SCAMP1: variants seen among roughly 807,000 people sequenced by gnomAD.
The protein encoded by SCAMP1 is secretory carrier membrane protein 1.
A neutral mutation model predicts 41.8 loss-of-function variants in SCAMP1; 15 were observed. The ratio of observed to expected loss-of-function variants is 0.36; its 90% CI spans 0.24 to 0.55. The LOEUF (loss-of-function observed/expected upper bound fraction) is 0.55, where lower values mean the gene tolerates loss of function less well. Ranked by LOEUF, SCAMP1 falls within the 20% of genes least tolerant of loss-of-function variation. The pLI is 0.86. For synonymous variants in SCAMP1, 135 were observed against 136.8 expected (o/e 0.99, Z 0.09); for missense variants, 341 against 412.6 (o/e 0.83, Z 1.50).
chr5:78,416,508 C>A (rs1257780256), intron 3 of SCAMP1, 33 bp from the exon 4 acceptor site: 1 of 1,455,802 alleles, frequency 6.9e-7, no homozygotes, highest in Non-Finnish European at 9.4e-7. Context: ...ATACTTCTGA[C>A]AGTCTATTCA....
chr5:78,396,840 T>C (rs1228386049), intron 2 of SCAMP1, among the ~76,000 whole-genome samples: 1 of 152,202 alleles, frequency 6.6e-6, no homozygotes, highest in Non-Finnish European at 1.5e-5. Context: ...ATAGAGCAAA[T>C]AAAATTAAGA....
intron 1 of SCAMP1, among the ~76,000 whole-genome samples, chr5:78,380,755 C>G (rs1329888728): frequency 6.6e-6 from 1 of 152,116 alleles, no homozygotes; most frequent in Admixed American, 6.5e-5. Flanking sequence ...TCACAGATCA[C>G]CACAACAGAT....
At chr5:78,373,469 A>G (rs1444594377) in intron 1 of SCAMP1, among the ~76,000 whole-genome samples, 1 of 151,692 alleles carries the variant, frequency 6.6e-6, no homozygotes, top group Non-Finnish European at 1.5e-5. Context: ...GTTGCTATGT[A>G]GGAAAGTTGC....
At chr5:78,459,184 A>G in intron 7 of SCAMP1, 61 bp from the exon 8 acceptor site, 1 of 772,678 alleles carries the variant, frequency 1.3e-6, no homozygotes, top group Non-Finnish European at 2.3e-6. Context: ...GTTAGATATT[A>G]TGCTATTTTT....
rs1177392315 is a variant in SCAMP1 at position 78,479,824 on chromosome 5, C to T, written c.*4156C>T. Among the ~76,000 whole-genome samples the T allele has an allele frequency of 6.6e-6, 1 of 151,962 alleles. No individual in the cohort carries two copies. The highest frequency in any genetic ancestry group is 1.5e-5 in the Non-Finnish European group (1 of 67,998). ...TTGGGAGGCCAAGGTGGGCGGATCACGAGGTCAGGAGATCGAAACCATCCT... is the reference window on the plus strand; with the variant it reads ...TTGGGAGGCCAAGGTGGGCGGATCATGAGGTCAGGAGATCGAAACCATCCT... On this transcript the variant is annotated 3_prime_UTR_variant, in exon 9 of 9. Coordinates refer to ENST00000621999, the MANE Select transcript of SCAMP1 (RefSeq NM_004866.6).
Position 78,439,142 on chromosome 5 carries a change from C to T in SCAMP1, c.633-10791C>T, listed in dbSNP as rs111574372. Among the ~76,000 whole-genome samples the T allele has an allele frequency of 1.9e-3, 282 of 152,254 alleles. 1 individual carries two copies. Among genetic ancestry groups the T allele is most frequent in the African/African-American group, 6.0e-3 (250 of 41,548 alleles). On this transcript the variant is annotated intron_variant, in intron 6 of 8. Transcript: ENST00000621999. ...TGAGATGGGTCTCCTGAATACAGCA[C>T]CCTGATGGGTTTTGAATCTTTATCC...
chr5:78,441,684 C>G (rs1006114981), intron 6 of SCAMP1, among the ~76,000 whole-genome samples: 2 of 152,116 alleles, frequency 1.3e-5, no homozygotes, highest in Non-Finnish European at 2.9e-5. Flanking sequence ...AAAAATTAGC[C>G]AGGCATGGTG....
At chr5:78,390,285 T>C (rs1015666830) in intron 2 of SCAMP1, among the ~76,000 whole-genome samples, 4 of 152,240 alleles carry the variant, frequency 2.6e-5, no homozygotes, top group Non-Finnish European at 4.4e-5. Context: ...GAATGAACTT[T>C]TAAATTTCTC....
At chr5:78,426,538 A>T (rs10060186) in intron 6 of SCAMP1, among the ~76,000 whole-genome samples, 3 of 152,004 alleles carry the variant, frequency 2.0e-5, no homozygotes, top group South Asian at 2.1e-4. Flanking sequence ...TCTAATGACC[A>T]GTGATGATGA....
chr5:78,431,607 A>G (rs1752625967), intron 6 of SCAMP1, among the ~76,000 whole-genome samples: 1 of 108,148 alleles, frequency 9.2e-6, no homozygotes, highest in Non-Finnish European at 1.9e-5. Context: ...CATTATTTAT[A>G]TCTCTTAAAA....
chr5:78,404,901 A>G (rs1318838667), intron 2 of SCAMP1, among the ~76,000 whole-genome samples: 1 of 152,252 alleles, frequency 6.6e-6, no homozygotes. Flanking sequence ...GGGACTCACC[A>G]CATGAATGGG....
intron 2 of SCAMP1, among the ~76,000 whole-genome samples, chr5:78,414,956 C>CTT (rs11318423): frequency 2.9e-4 from 40 of 139,206 alleles, no homozygotes; most frequent in African/African-American, 9.4e-4. Context: ...CTCAAAAGTT[C>CTT]TTTTTTTTTT....
intron 8 of SCAMP1, among the ~76,000 whole-genome samples, chr5:78,464,576 T>TA (rs1379046402): frequency 1.3e-5 from 2 of 152,092 alleles, no homozygotes; most frequent in African/African-American, 4.8e-5. Context: ...ATATTAACCT[T>TA]AAAAAAACCC....
chr5:78,450,959 T>C (rs1719717704), intron 7 of SCAMP1, among the ~76,000 whole-genome samples: 1 of 152,188 alleles, frequency 6.6e-6, no homozygotes, highest in African/African-American at 2.4e-5. Context: ...GATAAAGTAG[T>C]TTTTATTATT....
At chr5:78,441,726 G>T (rs1030124937) in intron 6 of SCAMP1, among the ~76,000 whole-genome samples, 4 of 152,344 alleles carry the variant, frequency 2.6e-5, no homozygotes, top group African/African-American at 7.2e-5. Context: ...TGTTTGGGAG[G>T]CTGAGGCAAG....
At chr5:78,440,791 T>C (rs955585191) in intron 6 of SCAMP1, among the ~76,000 whole-genome samples, 2 of 152,236 alleles carry the variant, frequency 1.3e-5, no homozygotes, top group African/African-American at 4.8e-5. Flanking sequence ...TGTTCAGCTA[T>C]GCCCTGCCCC....
intron 7 of SCAMP1, among the ~76,000 whole-genome samples, chr5:78,451,042 G>A (rs1362139050): frequency 6.6e-6 from 1 of 152,042 alleles, no homozygotes; most frequent in African/African-American, 2.4e-5. Context: ...AAAATATACT[G>A]CTTACTTTAA....
At chr5:78,365,040 T>C (rs1580637218) in intron 1 of SCAMP1, among the ~76,000 whole-genome samples, 1 of 152,218 alleles carries the variant, frequency 6.6e-6, no homozygotes, top group Non-Finnish European at 1.5e-5. Flanking sequence ...CAGTTTACTA[T>C]TTTGTAAAAT....
At chr5:78,387,154 CT>C (rs1338056849) in intron 1 of SCAMP1, among the ~76,000 whole-genome samples, 2 of 151,944 alleles carry the variant, frequency 1.3e-5, no homozygotes, top group Non-Finnish European at 2.9e-5. Flanking sequence ...TTTTTTAAAA[CT>C]CTTTTTTTCT....
Sources: allele counts gnomAD v4.1 joint callset (sites outside exome capture counted in the v4.1 genomes callset), GRCh38; gene constraint gnomAD v4.1.1; transcripts MANE v1.5; gene names NCBI Gene and HGNC (gene_info 2026-07-23, HGNC 2026-07-21).